Variants in LRRTM4 observed in about 807,000 individuals in gnomAD.
LRRTM4 encodes leucine-rich repeat transmembrane neuronal protein 4.
In LRRTM4, 25 loss-of-function variants were observed where a neutral mutation model predicts 47.6. The ratio of observed to expected loss-of-function variants is 0.53; its 90% CI spans 0.38 to 0.73. The LOEUF is 0.73. Ranked by LOEUF, LRRTM4 falls within the 30% of genes least tolerant of loss-of-function variation. The pLI is 0.00. For missense variants in LRRTM4, 638 were observed against 713.4 expected (o/e 0.89, Z 1.20); for synonymous variants, 311 against 269.5 (o/e 1.15, Z -1.51).
rs898823663 is a variant in LRRTM4 at position 77,091,212 on chromosome 2, C to T, written c.1552-342296G>A. Among the ~76,000 whole-genome samples the T allele has an allele frequency of 1.4e-4, 21 of 151,304 alleles. 1 individual carries two copies. The highest frequency in any genetic ancestry group is 5.1e-4 in the African/African-American group (21 of 41,104). On this transcript the variant is annotated intron_variant, in intron 3 of 3. Coordinates refer to ENST00000409884, the MANE Select transcript of LRRTM4 (RefSeq NM_001134745.3). ...TATATCTCATTGCCGCCCTTCTTCC[C>T]AATCAAGAGCCTCCTTTGCGTCCTC...
intron 3 of LRRTM4, among the ~76,000 whole-genome samples, chr2:77,040,086 A>AT (rs1678974868): frequency 6.6e-6 from 1 of 151,224 alleles, no homozygotes; most frequent in South Asian, 2.1e-4. Context: ...GCAAAGTATA[A>AT]TAAAAACTGT....
At chr2:77,137,292 C>T (rs374517796) in intron 3 of LRRTM4, among the ~76,000 whole-genome samples, 2 of 151,894 alleles carry the variant, frequency 1.3e-5, no homozygotes, top group East Asian at 1.9e-4. Context: ...AGAAACTCTA[C>T]AAGCCAGAAA....
rs1253793391 is a variant in LRRTM4, at chr2:77,360,232, C to T, written c.1551+158086G>A. Among the ~76,000 whole-genome samples the T allele has an allele frequency of 5.3e-5, 8 of 151,978 alleles. No individual in the cohort carries two copies. The East Asian group carries it at 1.4e-3, about 26-fold the overall frequency. On this transcript the variant is annotated intron_variant, in intron 3 of 3. Coordinates refer to ENST00000409884, the MANE Select transcript of LRRTM4 (RefSeq NM_001134745.3). ...CAGTACTACGGCAAGCCGAGGTGGG[C>T]GAATCACGAGGTCAGGAGACAGAGA... is the stretch of plus-strand genomic sequence containing the variant.
intron 3 of LRRTM4, among the ~76,000 whole-genome samples, chr2:76,957,292 A>T (rs1229006211): frequency 6.6e-6 from 1 of 151,660 alleles, no homozygotes; most frequent in Non-Finnish European, 1.5e-5. Context: ...CAATGGGTAG[A>T]GTTTCAGTCA....
At chr2:76,907,487 A>G (rs1248858601) in intron 3 of LRRTM4, among the ~76,000 whole-genome samples, 1 of 147,740 alleles carries the variant, frequency 6.8e-6, no homozygotes, top group Non-Finnish European at 1.5e-5. Context: ...AGAAATAACT[A>G]AAATCAGAGC....
intron 3 of LRRTM4, among the ~76,000 whole-genome samples, chr2:77,302,525 T>C (rs888817648): frequency 1.6e-4 from 25 of 152,352 alleles, no homozygotes; most frequent in Middle Eastern, 3.4e-3. Context: ...AAATATGCTT[T>C]AGCAGTGTTG....
chr2:76,889,988 G>A (rs1673200492), intron 3 of LRRTM4, among the ~76,000 whole-genome samples: 1 of 151,852 alleles, frequency 6.6e-6, no homozygotes, highest in African/African-American at 2.4e-5. Flanking sequence ...GCAGTGCAGG[G>A]ATATACATAG....
At chr2:77,448,136 G>C (rs1388257453) in intron 3 of LRRTM4, among the ~76,000 whole-genome samples, 1 of 152,152 alleles carries the variant, frequency 6.6e-6, no homozygotes, top group Non-Finnish European at 1.5e-5. Context: ...GGGCTAGAAA[G>C]TAGGACGTGT....
chr2:77,136,212 C>G (rs1252629940), intron 3 of LRRTM4, among the ~76,000 whole-genome samples: 1 of 152,182 alleles, frequency 6.6e-6, no homozygotes. Flanking sequence ...AGTAGCCTAA[C>G]TGGGAGGCAC....
Position 77,049,801 on chromosome 2 carries a change from C to A in LRRTM4, c.1552-300885G>T, listed in dbSNP as rs886746318. ...CAGAAGCTGTTTAGTTTGATATAAT[C>A]CCACTCGTCTATTTTTATTTTTGTT... On this transcript the variant is annotated intron_variant, in intron 3 of 3. Transcript: ENST00000409884. Among the ~76,000 whole-genome samples, 4 of 152,020 alleles carry A rather than the reference C, an allele frequency of 2.6e-5. No individual in the cohort carries two copies. The East Asian group carries it at 7.8e-4, about 30-fold the overall frequency.
At chr2:76,897,051 T>C (rs1673440443) in intron 3 of LRRTM4, among the ~76,000 whole-genome samples, 1 of 151,974 alleles carries the variant, frequency 6.6e-6, no homozygotes, top group South Asian at 2.1e-4. Flanking sequence ...CGGACACTCG[T>C]AGCTTATTTA....
intron 3 of LRRTM4, among the ~76,000 whole-genome samples, chr2:76,949,838 G>T (rs1328011005): frequency 6.6e-6 from 1 of 151,936 alleles, no homozygotes; most frequent in African/African-American, 2.4e-5. Context: ...AAAATGCAAT[G>T]ATTATTTCAA....
At chr2:77,370,828 A>G (rs1672630038) in intron 3 of LRRTM4, among the ~76,000 whole-genome samples, 1 of 151,806 alleles carries the variant, frequency 6.6e-6, no homozygotes, top group South Asian at 2.1e-4. Context: ...GCCTCTTTGA[A>G]GTTTCCATCA....
In LRRTM4 at chr2:76,784,152, A is replaced by G. The variant is rs576091522; in HGVS notation, c.1552-35236T>C. The stretch of plus-strand genomic sequence containing the variant: ...GTTTTAATGTTCAGTGGTGGCTGTA[A>G]TTGTATTACACACACAAAAAGGAAG... On this transcript the variant is annotated intron_variant, in intron 3 of 3. Coordinates refer to ENST00000409884, the MANE Select transcript of LRRTM4 (RefSeq NM_001134745.3). Among the ~76,000 whole-genome samples the G allele has an allele frequency of 3.0e-4, 45 of 152,238 alleles. 1 individual carries two copies. The highest frequency in any genetic ancestry group is 1.1e-3 in the African/African-American group (45 of 41,584).
intron 3 of LRRTM4, among the ~76,000 whole-genome samples, chr2:76,879,672 C>T (rs942707650): frequency 6.6e-6 from 1 of 152,196 alleles, no homozygotes; most frequent in Non-Finnish European, 1.5e-5. Flanking sequence ...TGAGAACATA[C>T]TGCTTAAGAA....
At position 77,297,996 on chromosome 2, in the gene LRRTM4, T is replaced by G. The variant is rs193098148; in HGVS notation, c.1551+220322A>C. On this transcript the variant is annotated intron_variant, in intron 3 of 3. Coordinates refer to ENST00000409884, the MANE Select transcript of LRRTM4 (RefSeq NM_001134745.3). Reference sequence around the variant, plus strand: ...ATTTCAAATCATAAACAGCACCTTTTCGAATTAAGCATGATGGATGAGCAT... The same window carrying G: ...ATTTCAAATCATAAACAGCACCTTTGCGAATTAAGCATGATGGATGAGCAT... Among the ~76,000 whole-genome samples, 814 of 152,274 alleles carry G rather than the reference T, an allele frequency of 5.3e-3. 1 individual carries two copies. The highest frequency in any genetic ancestry group is 9.2e-3 in the Non-Finnish European group (628 of 68,028).
intron 3 of LRRTM4, among the ~76,000 whole-genome samples, chr2:77,036,070 T>C (rs1020870701): frequency 6.6e-6 from 1 of 151,784 alleles, no homozygotes; most frequent in African/African-American, 2.4e-5. Flanking sequence ...AGCTAAAGAA[T>C]ACAAATTGAT....
chr2:77,121,422 A>C (rs1671518598), intron 3 of LRRTM4, among the ~76,000 whole-genome samples: 1 of 151,862 alleles, frequency 6.6e-6, no homozygotes, highest in East Asian at 1.9e-4. Context: ...TTAAGGCAAT[A>C]ACAAAGTATT....
At chr2:77,139,360 C>A (rs565624971) in intron 3 of LRRTM4, among the ~76,000 whole-genome samples, 1 of 152,132 alleles carries the variant, frequency 6.6e-6, no homozygotes, top group African/African-American at 2.4e-5. Context: ...ATCAACAGAA[C>A]GAAAGACAAA....
Sources: gnomAD v4.1 joint callset for allele counts (sites outside exome capture counted in the v4.1 genomes callset) on GRCh38, gnomAD v4.1.1 for gene constraint, MANE v1.5 for transcripts, NCBI Gene and HGNC (gene_info 2026-07-23, HGNC 2026-07-21) for gene names.